Variants in GUCY1A2 observed in about 807,000 individuals in gnomAD.
GUCY1A2 encodes guanylate cyclase soluble subunit alpha-2.
Under a neutral mutation model 63.5 loss-of-function variants are expected in GUCY1A2, and 27 were observed. The ratio of observed to expected loss-of-function variants is 0.43; its 90% confidence interval spans 0.31 to 0.59. The LOEUF (loss-of-function observed/expected upper bound fraction) is 0.59. Among genes scored for constraint, GUCY1A2 ranks in the 20% least tolerant of loss-of-function variants. The pLI is 0.11. For synonymous variants in GUCY1A2, 364 were observed against 343.5 expected (o/e 1.06, Z -0.66); for missense variants, 768 against 913.3 (o/e 0.84, Z 2.05).
chr11:106,871,584 G>A (rs1007822514), intron 4 of GUCY1A2, among the ~76,000 whole-genome samples: 8 of 152,018 alleles, frequency 5.3e-5, no homozygotes, highest in African/African-American at 1.9e-4. Context: ...CTTCTTACAA[G>A]GATACCAGTT....
chr11:106,752,300 T>G (rs1863894455), intron 6 of GUCY1A2, among the ~76,000 whole-genome samples: 1 of 152,124 alleles, frequency 6.6e-6, no homozygotes, highest in African/African-American at 2.4e-5. Context: ...GAGATAGCAA[T>G]GTACAGAATG....
chr11:106,681,663 T>A lies in GUCY1A2; in HGVS notation c.*5886A>T, dbSNP rs1862436479. 4.5e-6 allele frequency: 1 copy of A among 221,946 alleles called. No individual in the cohort carries two copies. The highest frequency in any genetic ancestry group is 1.8e-4 in the South Asian group (1 of 5,468). 13.7% of individuals were successfully genotyped at this position (221,946 alleles called of 1,614,324 possible). A position where few individuals can be genotyped will look rare whatever the true frequency, so the allele number is the denominator to read the frequency against. ...TCTGAGTCATTACTTGCTGCTCATTTTGCTACAGAATAATGAGTATCTTTA... is the reference window on the plus strand; with the variant it reads ...TCTGAGTCATTACTTGCTGCTCATTATGCTACAGAATAATGAGTATCTTTA... On this transcript the variant is annotated 3_prime_UTR_variant, in exon 8 of 8. Transcript: ENST00000526355.
intron 2 of GUCY1A2, among the ~76,000 whole-genome samples, chr11:106,985,551 C>T (rs972720056): frequency 6.6e-6 from 1 of 152,200 alleles, no homozygotes; most frequent in Non-Finnish European, 1.5e-5. Flanking sequence ...GCCTTGAAGT[C>T]CTGTCTTTTG....
chr11:106,990,573 G>A (rs181879437), intron 1 of GUCY1A2, among the ~76,000 whole-genome samples: 1 of 151,998 alleles, frequency 6.6e-6, no homozygotes, highest in East Asian at 1.9e-4. Flanking sequence ...GTAAAGATGT[G>A]TCTCTCTCTC....
At chr11:106,739,594 C>A (rs1266034442) in intron 6 of GUCY1A2, among the ~76,000 whole-genome samples, 3 of 152,154 alleles carry the variant, frequency 2.0e-5, no homozygotes, top group Admixed American at 2.0e-4. Context: ...TGAATTCAAA[C>A]CTGTGGAGGA....
intron 7 of GUCY1A2, among the ~76,000 whole-genome samples, chr11:106,704,587 G>A (rs600123): frequency 0.26 from 40,127 of 151,890 alleles, 6,149 homozygotes; most frequent in African/African-American, 0.43. Flanking sequence ...AAAAATAGGC[G>A]TTCTAAAACA....
chr11:106,874,699 T>C (rs1310392472), intron 4 of GUCY1A2, among the ~76,000 whole-genome samples: 13 of 151,934 alleles, frequency 8.6e-5, no homozygotes, highest in Non-Finnish European at 2.9e-5. Context: ...TCTGCAAGAG[T>C]TAGCAACAGA....
rs142281325 is a variant in GUCY1A2 at position 106,915,974 on chromosome 11, GA to G, written c.1206+23485del. Among the ~76,000 whole-genome samples the G allele has an allele frequency of 1.8e-4, 24 of 135,952 alleles. 3 individuals carry two copies. Among genetic ancestry groups the G allele is most frequent in the Non-Finnish European group, 2.5e-4 (15 of 60,764 alleles). The allele number at this position is 135,952 out of a possible 152,430, so 89.2% of individuals were successfully genotyped here. On this transcript the variant is annotated intron_variant, in intron 4 of 7. Coordinates refer to ENST00000526355, the MANE Select transcript of GUCY1A2 (RefSeq NM_000855.3). ...ACTGCCACTCTCACTGTAAAGAAAAGAAAAAAAAAATCCATGAAGGGGAACA... is the reference window on the plus strand; with the variant it reads ...ACTGCCACTCTCACTGTAAAGAAAAGAAAAAAAAATCCATGAAGGGGAACA...
intron 6 of GUCY1A2, among the ~76,000 whole-genome samples, chr11:106,775,039 C>T (rs971155055): frequency 2.0e-5 from 3 of 151,974 alleles, no homozygotes; most frequent in Admixed American, 1.3e-4. Flanking sequence ...TCTATAATTT[C>T]CCCCGGTTCT....
Position 106,677,829 on chromosome 11 carries a change from C to G in GUCY1A2, c.*9720G>C, listed in dbSNP as rs1393021216. 4.8e-6 allele frequency: 1 copy of G among 207,990 alleles called. No homozygotes were observed. The highest frequency in any genetic ancestry group is 5.9e-5 in the Admixed American group (1 of 16,830). The allele number at this position is 207,990 out of a possible 1,614,324, so 12.9% of individuals were successfully genotyped here. On this transcript the variant is annotated 3_prime_UTR_variant, in exon 8 of 8. Coordinates refer to ENST00000526355, the MANE Select transcript of GUCY1A2 (RefSeq NM_000855.3). ...TTCCTTTCTCTAAGTTGCATTTCAT[C>G]TGAATCCAACTAAATATTTCATACA... is the stretch of plus-strand genomic sequence containing the variant.
At chr11:106,784,858 T>C (rs867814813) in intron 5 of GUCY1A2, among the ~76,000 whole-genome samples, 107 of 152,298 alleles carry the variant, frequency 7.0e-4, no homozygotes, top group African/African-American at 2.2e-3. Flanking sequence ...ATGGGTAATA[T>C]CTACAGAACT....
Position 106,708,647 on chromosome 11 carries a change from G to A in GUCY1A2, c.1856C>T (p.Ser619Leu). The change falls in exon 7 of 8, where the codon TCA becomes TTA. Residue 619 changes from serine (S) to leucine (L), a missense_variant. Coordinates refer to ENST00000526355, the MANE Select transcript of GUCY1A2 (RefSeq NM_000855.3). ...RPIQMRIGIH[S>L]GSVLAGVVGV... ...AACAACTCCAGCCAGCACGGAGCCT[G>A]AGTGAATTCCTATCCTCATCTAAAG... 2.5e-6 allele frequency: 4 copies of A among 1,606,036 alleles called. No individual in the cohort carries two copies. Among genetic ancestry groups the A allele is most frequent in the Non-Finnish European group, 3.4e-6 (4 of 1,175,306 alleles).
intron 4 of GUCY1A2, among the ~76,000 whole-genome samples, chr11:106,817,361 T>C (rs1858845827): frequency 6.6e-6 from 1 of 152,044 alleles, no homozygotes; most frequent in African/African-American, 2.4e-5. Flanking sequence ...CCTATAACTT[T>C]AGTTCCAATA....
chr11:106,840,221 C>T (rs548155967), intron 4 of GUCY1A2, among the ~76,000 whole-genome samples: 5 of 151,998 alleles, frequency 3.3e-5, no homozygotes, highest in Non-Finnish European at 7.4e-5. Context: ...ATTGATGGCA[C>T]TATTCCTTTT....
At chr11:106,904,668 A>C (rs183141660) in intron 4 of GUCY1A2, among the ~76,000 whole-genome samples, 1 of 152,166 alleles carries the variant, frequency 6.6e-6, no homozygotes, top group East Asian at 1.9e-4. Flanking sequence ...AAGCTAAATA[A>C]AAGACAAAAA....
chr11:106,779,388 CT>C (rs1209641290), intron 5 of GUCY1A2, among the ~76,000 whole-genome samples: 1 of 152,192 alleles, frequency 6.6e-6, no homozygotes, highest in African/African-American at 2.4e-5. Context: ...CATTTTACCC[CT>C]AATAAGACAA....
chr11:106,708,389 A>C lies in GUCY1A2; in HGVS notation c.1991+123T>G, dbSNP rs1041130913. The C allele has an allele frequency of 5.7e-6, 4 of 704,024 alleles. No individual in the cohort carries two copies. In the African/African-American group the frequency reaches 7.3e-5, roughly 13 times the overall value. 43.6% of individuals were successfully genotyped at this position (704,024 alleles called of 1,614,324 possible). On this transcript the variant is annotated intron_variant, in intron 7 of 7. Coordinates refer to ENST00000526355, the MANE Select transcript of GUCY1A2 (RefSeq NM_000855.3). ...TACTATCTATCTTTTGGGTTTGGGC[A>C]GTTCTACTCATAATATCTTGGAGAA...
intron 6 of GUCY1A2, among the ~76,000 whole-genome samples, chr11:106,762,546 T>C (rs546001213): frequency 6.6e-6 from 1 of 152,256 alleles, no homozygotes; most frequent in Non-Finnish European, 1.5e-5. Context: ...GAATGAAATA[T>C]AATAATACTG....
At position 107,017,720 on chromosome 11, in the gene GUCY1A2, C is replaced by G. The variant is rs769934283; in HGVS notation, c.303+33G>C. On this transcript the variant is annotated intron_variant, in intron 1 of 7. Coordinates refer to ENST00000526355, the MANE Select transcript of GUCY1A2 (RefSeq NM_000855.3). ...CTTTACAGATCCGCGTTCTCTCCCCCGAAGGCGGTCCCCCCTTCCGCCCCC... is the reference window on the plus strand; with the variant it reads ...CTTTACAGATCCGCGTTCTCTCCCCGGAAGGCGGTCCCCCCTTCCGCCCCC... 26 of 1,277,016 alleles carry G rather than the reference C, an allele frequency of 2.0e-5. No individual in the cohort carries two copies. In the East Asian group the frequency reaches 5.7e-4, roughly 28 times the overall value. The allele number at this position is 1,277,016 out of a possible 1,614,324, so 79.1% of individuals were successfully genotyped here. A position where few individuals can be genotyped will look rare whatever the true frequency, so the allele number is the denominator to read the frequency against.
Sources: gnomAD v4.1 joint callset for allele counts (sites outside exome capture counted in the v4.1 genomes callset) on GRCh38, gnomAD v4.1.1 for gene constraint, MANE v1.5 for transcripts, NCBI Gene and HGNC (gene_info 2026-07-23, HGNC 2026-07-21) for gene names.